Variants in LARP4B observed in about 807,000 individuals in gnomAD.
LARP4B encodes the protein la-related protein 4B.
In LARP4B, 12 loss-of-function variants were observed where a neutral mutation model predicts 89.8. The ratio of observed to expected loss-of-function variants is 0.13; its 90% confidence interval spans 0.09 to 0.22. The LOEUF (loss-of-function observed/expected upper bound fraction) is 0.22, where lower values mean the gene tolerates loss of function less well. Ranked by LOEUF, LARP4B falls within the 10% of genes least tolerant of loss-of-function variation. The pLI is 1.00. For missense variants in LARP4B, 757 were observed against 947.7 expected, an observed-to-expected ratio of 0.80 and a Z score of 2.64; for synonymous variants, 367 against 363.3, an observed-to-expected ratio of 1.01 and a Z score of -0.12.
chr10:855,966 G>A (rs1404200977), intron 5 of LARP4B, among the ~76,000 whole-genome samples: 1 of 152,262 alleles, frequency 6.6e-6, no homozygotes. Context: ...CAACGCAGCA[G>A]AGAGAAGTCT....
At chr10:882,625 T>C (rs967433570) in intron 3 of LARP4B, among the ~76,000 whole-genome samples, 2 of 152,158 alleles carry the variant, frequency 1.3e-5, no homozygotes, top group African/African-American at 4.8e-5. Flanking sequence ...AGGGAAACCA[T>C]ATTCTTACAG....
chr10:827,290 T>C (rs761536351), intron 11 of LARP4B, among the ~76,000 whole-genome samples: 1 of 117,360 alleles, frequency 8.5e-6, no homozygotes, highest in African/African-American at 3.3e-5. Flanking sequence ...AAAAAGAAAA[T>C]ACATCACACT....
chr10:920,218 G>A (rs1329278942), intron 1 of LARP4B, among the ~76,000 whole-genome samples: 4 of 152,192 alleles, frequency 2.6e-5, no homozygotes, highest in Non-Finnish European at 5.9e-5. Flanking sequence ...GAGGAGGCTC[G>A]TTACAGTCCT....
chr10:945,721 A>G, the LARP4B span, among the ~76,000 whole-genome samples: 16 of 151,720 alleles, frequency 1.1e-4, no homozygotes, highest in Admixed American at 1.3e-4. Context: ...TAGCATTACT[A>G]TGTGTTAGGA....
At chr10:955,577 A>C in the LARP4B span, among the ~76,000 whole-genome samples, 1 of 152,080 alleles carries the variant, frequency 6.6e-6, no homozygotes, top group Non-Finnish European at 1.5e-5. The surrounding 1 kb of genome is among the most constrained non-coding windows in gnomAD (Gnocchi z 5.2). Context: ...CCTCTTCAAT[A>C]AGACCCTCCA....
At chr10:958,160 G>T in the LARP4B span, among the ~76,000 whole-genome samples, 1 of 152,160 alleles carries the variant, frequency 6.6e-6, no homozygotes, top group Non-Finnish European at 1.5e-5. Context: ...TTGTCACTTG[G>T]ATTTGCTCAA....
intron 1 of LARP4B, among the ~76,000 whole-genome samples, chr10:916,239 C>T (rs1391142149): frequency 6.6e-6 from 1 of 152,110 alleles, no homozygotes; most frequent in East Asian, 1.9e-4. Context: ...ACCAAATTTC[C>T]TTGTAAATTG....
intron 3 of LARP4B, among the ~76,000 whole-genome samples, chr10:873,657 T>A (rs1835334065): frequency 6.6e-6 from 1 of 152,020 alleles, no homozygotes; most frequent in Non-Finnish European, 1.5e-5. Flanking sequence ...AAATGATGTC[T>A]GAAATAAATA....
At chr10:937,892 T>G in the LARP4B span, among the ~76,000 whole-genome samples, 313 of 152,236 alleles carry the variant, frequency 2.1e-3, 1 homozygote, top group African/African-American at 7.1e-3. Context: ...TTTTATTTAT[T>G]TATTTATTTT....
At chr10:911,244 T>C (rs750403240) in intron 1 of LARP4B, among the ~76,000 whole-genome samples, 1 of 152,200 alleles carries the variant, frequency 6.6e-6, no homozygotes, top group Non-Finnish European at 1.5e-5. Context: ...ATGGGAAACG[T>C]ACTTTATGTT....
At chr10:881,810 T>C (rs1352594215) in intron 3 of LARP4B, among the ~76,000 whole-genome samples, 1 of 152,190 alleles carries the variant, frequency 6.6e-6, no homozygotes, top group Non-Finnish European at 1.5e-5. Flanking sequence ...TCACACACAA[T>C]GTGATCATGC....
At chr10:884,589 A>G in intron 2 of LARP4B, 83 bp from the exon 3 acceptor site, 2 of 825,798 alleles carry the variant, frequency 2.4e-6, no homozygotes, top group South Asian at 3.0e-5. Context: ...ATTAGGCAAA[A>G]CTAAACCCAC....
intron 1 of LARP4B, among the ~76,000 whole-genome samples, chr10:902,856 G>A (rs555041113): frequency 6.6e-6 from 1 of 152,162 alleles, no homozygotes; most frequent in East Asian, 1.9e-4. Flanking sequence ...TATTGGCCAG[G>A]CTGGTCTCAA....
chr10:904,527 C>T (rs572922293), intron 1 of LARP4B, among the ~76,000 whole-genome samples: 12 of 151,668 alleles, frequency 7.9e-5, no homozygotes, highest in African/African-American at 2.2e-4. Context: ...TGCCACTGCA[C>T]TCCAGCCTGG....
intron 1 of LARP4B, among the ~76,000 whole-genome samples, chr10:922,403 C>G (rs1019378165): frequency 6.6e-6 from 1 of 152,162 alleles, no homozygotes; most frequent in African/African-American, 2.4e-5. Flanking sequence ...CCTGAACTAG[C>G]AATTTAGCCT....
At chr10:971,719 C>T in the LARP4B span, 2 of 152,132 alleles carry the variant, frequency 1.3e-5, no homozygotes, top group African/African-American at 2.4e-5. Flanking sequence ...CCTTGCAAGG[C>T]GGGAGGCAAA....
chr10:860,357 T>C (rs750548467), intron 5 of LARP4B, among the ~76,000 whole-genome samples: 4 of 152,180 alleles, frequency 2.6e-5, no homozygotes, highest in Non-Finnish European at 4.4e-5. Context: ...TGTGGTGCTT[T>C]AATCCACCAC....
At chr10:865,905 C>T (rs1415028088) in intron 3 of LARP4B, among the ~76,000 whole-genome samples, 4 of 152,202 alleles carry the variant, frequency 2.6e-5, no homozygotes, top group African/African-American at 9.7e-5. Context: ...TGCACTACCC[C>T]AGCATGCAGC....
intron 4 of LARP4B, 45 bp downstream of exon 4, chr10:864,078 G>A: frequency 1.9e-6 from 3 of 1,610,638 alleles, no homozygotes; most frequent in Non-Finnish European, 2.5e-6. Context: ...CAAAAGCACA[G>A]GCCTGAAAGC....
Sources: gnomAD v4.1 joint callset for allele counts (sites outside exome capture counted in the v4.1 genomes callset) on GRCh38, gnomAD v4.1.1 for gene constraint, Gnocchi (gnomAD v3.1) non-coding constraint, MANE v1.5 for transcripts, NCBI Gene and HGNC (gene_info 2026-07-23, HGNC 2026-07-21) for gene names.